Variants in SGCZ observed in about 807,000 individuals in gnomAD.
The protein encoded by SGCZ is sarcoglycan zeta, also known as zeta-sarcoglycan.
In SGCZ, 40 loss-of-function variants were observed where a neutral mutation model predicts 41.3. That is an observed-to-expected ratio of 0.97 (90% CI 0.75 to 1.26). The LOEUF (loss-of-function observed/expected upper bound fraction) is 1.26, where lower values mean the gene tolerates loss of function less well. SGCZ is among the 50% of genes most tolerant of loss of function. The pLI is 0.00. For synonymous variants in SGCZ, 206 were observed against 137.5 expected (o/e 1.50, Z -3.49); for missense variants, 552 against 369.8 (o/e 1.49, Z -4.04).
chr8:14,749,837 C>T (rs1799447590), intron 1 of SGCZ, among the ~76,000 whole-genome samples: 2 of 152,080 alleles, frequency 1.3e-5, no homozygotes, highest in Non-Finnish European at 2.9e-5. Flanking sequence ...ATTAACTAAA[C>T]ACATTTTATC....
chr8:14,530,608 C>G (rs984256232), intron 2 of SGCZ, among the ~76,000 whole-genome samples: 3 of 152,068 alleles, frequency 2.0e-5, no homozygotes, highest in African/African-American at 7.2e-5. Flanking sequence ...TGGTTCACTA[C>G]TGAATATTTT....
rs1367636451 is a variant in SGCZ at position 14,693,625 on chromosome 8, C to G, written c.40-138699G>C. ...TTTTTTTTTGAGACGGAGTCTCGCT[C>G]TGTCGCCCAGGCTGGAGTGCAGTGG... On this transcript the variant is annotated intron_variant, in intron 1 of 7. Transcript: ENST00000382080. Among the ~76,000 whole-genome samples, 7 of 118,834 alleles carry G rather than the reference C, an allele frequency of 5.9e-5. No homozygotes were observed. In the East Asian group the frequency reaches 1.9e-3, roughly 31 times the overall value. 78.0% of individuals were successfully genotyped at this position (118,834 alleles called of 152,430 possible). A position where few individuals can be genotyped will look rare whatever the true frequency, so the allele number is the denominator to read the frequency against.
intron 1 of SGCZ, among the ~76,000 whole-genome samples, chr8:14,697,584 T>C (rs1469552035): frequency 2.0e-5 from 3 of 152,026 alleles, no homozygotes. Context: ...AGCTCATGTC[T>C]TTCCTTTCAC....
chr8:14,833,303 G>A (rs1404123706), intron 1 of SGCZ, among the ~76,000 whole-genome samples: 2 of 152,072 alleles, frequency 1.3e-5, no homozygotes, highest in Non-Finnish European at 2.9e-5. Context: ...GAGTAAAATG[G>A]AGGCTGTTGT....
chr8:15,206,081 T>C (rs1801052652), intron 1 of SGCZ, among the ~76,000 whole-genome samples: 1 of 152,110 alleles, frequency 6.6e-6, no homozygotes, highest in Non-Finnish European at 1.5e-5. Flanking sequence ...TATTGGATAC[T>C]GGGCTGGATA....
chr8:15,233,124 T>C (rs928567784), intron 1 of SGCZ, among the ~76,000 whole-genome samples: 3 of 151,848 alleles, frequency 2.0e-5, no homozygotes, highest in Admixed American at 1.3e-4. Context: ...TAATTCAGTA[T>C]TCACAAATAT....
rs563662091 is a variant in SGCZ at position 14,986,951 on chromosome 8, G to C, written c.39+250634C>G. 3.7e-3 allele frequency among the ~76,000 whole-genome samples: 568 copies of C among 151,836 alleles called. 6 individuals are homozygous for C. The highest frequency in any genetic ancestry group is 0.013 in the African/African-American group (547 of 41,468). On this transcript the variant is annotated intron_variant, in intron 1 of 7. Transcript: ENST00000382080. ...CGTAATTGTGGAAAAAATTAAAGGAGGAGAATAAAAATGGCTAATTTATAT... is the reference window on the plus strand; with the variant it reads ...CGTAATTGTGGAAAAAATTAAAGGACGAGAATAAAAATGGCTAATTTATAT...
intron 1 of SGCZ, among the ~76,000 whole-genome samples, chr8:15,141,598 G>C (rs1271687405): frequency 6.6e-6 from 1 of 152,146 alleles, no homozygotes; most frequent in Non-Finnish European, 1.5e-5. Context: ...TGCCCAAGAA[G>C]GCTTTGACTA....
intron 1 of SGCZ, among the ~76,000 whole-genome samples, chr8:15,124,554 CTT>C (rs903673020): frequency 7.9e-5 from 12 of 152,138 alleles, no homozygotes; most frequent in African/African-American, 2.7e-4. Flanking sequence ...AATAAGCCTT[CTT>C]GATACTCAAA....
chr8:14,244,855 A>G (rs979529259), intron 3 of SGCZ, among the ~76,000 whole-genome samples: 7 of 152,072 alleles, frequency 4.6e-5, no homozygotes, highest in African/African-American at 1.7e-4. Context: ...CTTTGAAGCA[A>G]TTGTGAATGG....
intron 4 of SGCZ, among the ~76,000 whole-genome samples, chr8:14,213,529 T>C (rs1296841475): frequency 1.9e-4 from 29 of 151,982 alleles, no homozygotes; most frequent in Admixed American, 1.9e-3. Flanking sequence ...TATCAGTAGA[T>C]CTCGCCTTAA....
intron 3 of SGCZ, among the ~76,000 whole-genome samples, chr8:14,321,314 G>C (rs908747292): frequency 6.6e-6 from 1 of 151,978 alleles, no homozygotes; most frequent in Non-Finnish European, 1.5e-5. Context: ...GTTAACTTTT[G>C]AAAAGCCTGA....
At position 15,114,898 on chromosome 8, in the gene SGCZ, C is replaced by G. The variant is rs1219983803; in HGVS notation, c.39+122687G>C. Among the ~76,000 whole-genome samples, 4 of 152,052 alleles carry G rather than the reference C, an allele frequency of 2.6e-5. No homozygotes were observed. The East Asian group carries it at 7.7e-4, about 29-fold the overall frequency. Reference sequence around the variant, plus strand: ...CCAGAGAGTGTCATTCTCAATAAACCTCTGAAAAGAGAAAATTTTTCATTC... The same window carrying G: ...CCAGAGAGTGTCATTCTCAATAAACGTCTGAAAAGAGAAAATTTTTCATTC... On this transcript the variant is annotated intron_variant, in intron 1 of 7. Coordinates refer to ENST00000382080, the MANE Select transcript of SGCZ (RefSeq NM_139167.4).
At chr8:14,929,983 A>T (rs888436513) in intron 1 of SGCZ, among the ~76,000 whole-genome samples, 4 of 152,048 alleles carry the variant, frequency 2.6e-5, no homozygotes, top group Admixed American at 6.5e-5. Flanking sequence ...AATTTCTCAT[A>T]ATCAAGATAA....
intron 2 of SGCZ, among the ~76,000 whole-genome samples, chr8:14,437,595 C>A (rs28540193): frequency 0.023 from 3,451 of 151,916 alleles, 130 homozygotes; most frequent in African/African-American, 0.078. Context: ...GAAAAATTTT[C>A]TGTTTTAATT....
intron 1 of SGCZ, among the ~76,000 whole-genome samples, chr8:15,235,738 G>C (rs73524837): frequency 2.7e-5 from 4 of 147,622 alleles, no homozygotes; most frequent in Admixed American, 1.3e-4. Context: ...TCAGGGGAAA[G>C]AATCACCCCA....
chr8:14,492,040 A>G (rs12677421), intron 2 of SGCZ, among the ~76,000 whole-genome samples: 10,000 of 152,244 alleles, frequency 0.066, 573 homozygotes, highest in African/African-American at 0.15. Flanking sequence ...TAATGCTGTC[A>G]TTTATGATTG....
At chr8:14,585,759 T>G (rs1364699806) in intron 1 of SGCZ, among the ~76,000 whole-genome samples, 2 of 152,154 alleles carry the variant, frequency 1.3e-5, no homozygotes, top group African/African-American at 4.8e-5. Flanking sequence ...AATTGTTTAT[T>G]GCCACAAAAG....
At position 14,499,593 on chromosome 8, in the gene SGCZ, G is replaced by T. The variant is rs574136670; in HGVS notation, c.234+55139C>A. On this transcript the variant is annotated intron_variant, in intron 2 of 7. Coordinates refer to ENST00000382080, the MANE Select transcript of SGCZ (RefSeq NM_139167.4). Reference sequence around the variant, plus strand: ...TTAATTTACTGTATTTTCAAGCTAGGCAGCCTTCCTCCTTTCACTGACTTT... The same window carrying T: ...TTAATTTACTGTATTTTCAAGCTAGTCAGCCTTCCTCCTTTCACTGACTTT... 9.4e-4 allele frequency among the ~76,000 whole-genome samples: 143 copies of T among 151,970 alleles called. 2 individuals carry two copies. The highest frequency in any genetic ancestry group is 3.2e-3 in the African/African-American group (132 of 41,490).
Sources: allele counts gnomAD v4.1 joint callset (sites outside exome capture counted in the v4.1 genomes callset), GRCh38; gene constraint gnomAD v4.1.1; transcripts MANE v1.5; gene names NCBI Gene and HGNC (gene_info 2026-07-23, HGNC 2026-07-21).